Variants in POLR1C observed in about 807,000 individuals in gnomAD.
POLR1C encodes DNA-directed RNA polymerases I and III subunit RPAC1.
POLR1C carries 42 observed loss-of-function variants against 38.3 expected under a neutral mutation model. The observed-to-expected ratio is 1.10, with a 90% CI of 0.86 to 1.42. The LOEUF (loss-of-function observed/expected upper bound fraction) is 1.42, where lower values mean the gene tolerates loss of function less well. Among genes scored for constraint, POLR1C ranks in the 40% most tolerant of loss-of-function variants. POLR1C has a pLI of 0.00. For missense variants in POLR1C, 507 were observed against 450.5 expected (o/e 1.13, Z -1.14); for synonymous variants, 163 against 163.9 (o/e 0.99, Z 0.04).
In POLR1C at chr6:43,520,853, C is replaced by T. The variant is rs200549821; in HGVS notation, c.805+79C>T. 3.8e-4 allele frequency: 599 copies of T among 1,597,236 alleles called. 9 individuals carry two copies. The South Asian group carries it at 6.2e-3, about 17-fold the overall frequency. On this transcript the variant is annotated intron_variant, in intron 7 of 8. Transcript: ENST00000642195. ...AGGTGACAGAAATAAAAACCCTGGG[C>T]TCCTAAAAGTATAACCTGGTTTGCT... is the stretch of plus-strand genomic sequence containing the variant.
At chr6:43,558,599 A>G (rs1762238932) in intron 10 of POLR1C, 1 of 1,571,856 alleles carries the variant, frequency 6.4e-7, no homozygotes, top group Non-Finnish European at 8.6e-7. Context: ...CATCTGGAAA[A>G]AGAAAGGTAA....
At position 43,520,999 on chromosome 6, in the gene POLR1C, G is replaced by A; in HGVS notation, c.873G>A (p.Glu291=). Residue 291 remains glutamate, a synonymous_variant, in exon 8 of 9, where the codon GAG becomes GAA. Transcript: ENST00000642195. ...DTFSREIFRN[E]KLKKVVRLAR... Reference sequence around the variant, plus strand: ...TCAGCAGAGAAATCTTCCGGAATGAGAAGCTAAAGAAGGTTGTGAGGCTTG... The same window carrying A: ...TCAGCAGAGAAATCTTCCGGAATGAAAAGCTAAAGAAGGTTGTGAGGCTTG... The A allele has an allele frequency of 6.2e-7, 1 of 1,614,230 alleles. No homozygotes were observed. The highest frequency in any genetic ancestry group is 2.2e-5 in the East Asian group (1 of 44,890).
downstream of POLR1C, chr6:43,530,648 T>G: frequency 6.2e-7 from 1 of 1,603,512 alleles, no homozygotes; most frequent in Non-Finnish European, 8.5e-7. Context: ...TCTCTAATTT[T>G]CTGACCTTTT....
intron 10 of POLR1C, among the ~76,000 whole-genome samples, chr6:43,554,434 T>C (rs1432824870): frequency 6.6e-6 from 1 of 151,270 alleles, no homozygotes; most frequent in Non-Finnish European, 1.5e-5. Flanking sequence ...TTTTTTTTTT[T>C]TTCTTTTTTG....
Position 43,520,142 on chromosome 6 carries a change from TA to T in POLR1C, c.462del (p.Asp155IlefsTer10). On this transcript the variant is annotated frameshift_variant, in exon 5 of 9. Coordinates refer to ENST00000642195, the MANE Select transcript of POLR1C (RefSeq NM_203290.4). LOFTEE classifies it high-confidence loss of function. ...VRCTRNPHAA[K>X]DSSDPNELYV... ...GATGCACTCGGAACCCCCATGCTGC[TA>T]AAGATTCCTCTGACCCCAACGAACT... 6.2e-7 allele frequency: 1 copy of T among 1,614,212 alleles called. No individual in the cohort carries two copies. Among genetic ancestry groups the T allele is most frequent in the Non-Finnish European group, 8.5e-7 (1 of 1,180,036 alleles).
intron 8 of POLR1C, chr6:43,526,605 C>A: frequency 6.5e-7 from 1 of 1,532,604 alleles, no homozygotes; most frequent in Non-Finnish European, 9.0e-7. Context: ...CACCAGACTG[C>A]AAGGAAACTG....
intron 9 of POLR1C, among the ~76,000 whole-genome samples, chr6:43,535,636 C>G (rs754917296): frequency 7.3e-5 from 11 of 151,676 alleles, no homozygotes; most frequent in Non-Finnish European, 1.5e-4. Context: ...TGGTGAAACC[C>G]CATCTCTACT....
chr6:43,526,932 T>G, intron 8 of POLR1C: 1 of 605,394 alleles, frequency 1.7e-6, no homozygotes. Context: ...CCGAACTGTT[T>G]TGGTCCTTCA....
intron 10 of POLR1C, chr6:43,553,554 T>C: frequency 6.6e-7 from 1 of 1,516,990 alleles, no homozygotes; most frequent in Non-Finnish European, 8.8e-7. Flanking sequence ...CACACAATTA[T>C]CAGCATTGAA....
chr6:43,552,843 A>C (rs1795314861), intron 10 of POLR1C, among the ~76,000 whole-genome samples: 2 of 152,160 alleles, frequency 1.3e-5, no homozygotes, highest in African/African-American at 2.4e-5. Context: ...CAGTATTCTA[A>C]AGCAGTGTGG....
chr6:43,527,760 C>T, intron 8 of POLR1C: 1 of 1,611,424 alleles, frequency 6.2e-7, no homozygotes, highest in Non-Finnish European at 8.5e-7. Flanking sequence ...CCAAGTTCCA[C>T]AGGAGTGCAG....
At chr6:43,560,396 A>C in intron 10 of POLR1C, 1 of 1,420,928 alleles carries the variant, frequency 7.0e-7, no homozygotes, top group East Asian at 2.5e-5. Context: ...TTTTTCATAG[A>C]AATAAATCTG....
At chr6:43,532,177 T>C (rs892848668), downstream of POLR1C, among the ~76,000 whole-genome samples, 5 of 152,162 alleles carry the variant, frequency 3.3e-5, no homozygotes, top group Non-Finnish European at 7.3e-5. Flanking sequence ...CTTTTTATAT[T>C]AATAGCTATA....
intron 8 of POLR1C, chr6:43,528,740 C>T: frequency 7.7e-7 from 1 of 1,296,730 alleles, no homozygotes; most frequent in Non-Finnish European, 1.1e-6. Flanking sequence ...GTAGACAACA[C>T]TTCTAGGAGC....
At chr6:43,538,907 T>C in intron 9 of POLR1C, 3 of 1,218,322 alleles carry the variant, frequency 2.5e-6, no homozygotes, top group South Asian at 1.2e-5. Context: ...GAATTCCTGA[T>C]AGGGAGACTT....
chr6:43,525,759 A>G (rs1008717368), downstream of POLR1C: 5 of 1,435,512 alleles, frequency 3.5e-6, no homozygotes, highest in Non-Finnish European at 4.7e-6. Flanking sequence ...AACTCTTGAT[A>G]GCACCATAGA....
chr6:43,529,761 A>T (rs1793843698), downstream of POLR1C, among the ~76,000 whole-genome samples: 2 of 151,620 alleles, frequency 1.3e-5, no homozygotes, highest in Non-Finnish European at 2.9e-5. Context: ...CTCTACAAAT[A>T]ATAATAAAAA....
chr6:43,546,801 AAAG>A (rs753413226), intron 9 of POLR1C: 5 of 1,488,636 alleles, frequency 3.4e-6, no homozygotes, highest in Non-Finnish European at 4.5e-6. Context: ...AAAAAAAAAA[AAAG>A]ACCAAATACT....
At chr6:43,556,222 T>A in intron 10 of POLR1C, 1 of 381,928 alleles carries the variant, frequency 2.6e-6, no homozygotes, top group Non-Finnish European at 4.7e-6. Flanking sequence ...CCATTTCTGT[T>A]TGAATTAAAA....
Sources: gnomAD v4.1 joint callset for allele counts (sites outside exome capture counted in the v4.1 genomes callset) on GRCh38, gnomAD v4.1.1 for gene constraint, MANE v1.5 for transcripts, NCBI Gene and HGNC (gene_info 2026-07-23, HGNC 2026-07-21) for gene names.